Variants in PDCD6IP observed in about 807,000 individuals in gnomAD.
PDCD6IP encodes programmed cell death 6 interacting protein.
A neutral mutation model predicts 103.7 loss-of-function variants in PDCD6IP; 43 were observed. The ratio of observed to expected loss-of-function variants is 0.41; its 90% CI spans 0.32 to 0.53. The LOEUF (loss-of-function observed/expected upper bound fraction) is 0.53, where lower values mean the gene tolerates loss of function less well. Among genes scored for constraint, PDCD6IP ranks in the 20% least tolerant of loss-of-function variants. The pLI is 0.16. For synonymous variants in PDCD6IP, 354 were observed against 378.7 expected, an observed-to-expected ratio of 0.93 and a Z score of 0.76; for missense variants, 871 against 1,036.7, an observed-to-expected ratio of 0.84 and a Z score of 2.20.
chr3:33,868,586 T>C lies in PDCD6IP; in HGVS notation c.*2061T>C, dbSNP rs896199146. ...TTGTCAGTTCACTCATCCTTTGGTT[T>C]CTTTTTAATCACCTGTGTCTGGGCA... On this transcript the variant is annotated 3_prime_UTR_variant, in exon 18 of 18. Coordinates refer to ENST00000307296, the MANE Select transcript of PDCD6IP (RefSeq NM_013374.6). 1.3e-5 allele frequency: 2 copies of C among 152,430 alleles called. No individual in the cohort carries two copies. The highest frequency in any genetic ancestry group is 1.3e-4 in the Admixed American group (2 of 15,280). The allele number at this position is 152,430 out of a possible 1,614,324, so 9.4% of individuals were successfully genotyped here.
At chr3:33,808,528 C>T (rs180903102) in intron 1 of PDCD6IP, among the ~76,000 whole-genome samples, 2 of 152,338 alleles carry the variant, frequency 1.3e-5, no homozygotes, top group Admixed American at 1.3e-4. Flanking sequence ...ATCCTCCTAC[C>T]TCAGCCTCCC....
intron 3 of PDCD6IP, 24 bp downstream of exon 3, chr3:33,813,652 A>C: frequency 7.2e-7 from 1 of 1,388,146 alleles, no homozygotes; most frequent in Non-Finnish European, 1.0e-6. Flanking sequence ...AATAAAAGTG[A>C]TAGGAAAATT....
rs1417919468 is a variant in PDCD6IP, at chr3:33,864,041, C to T, written c.2156C>T (p.Ala719Val). Residue 719 changes from alanine to valine, a missense_variant, in exon 16 of 18, where the codon GCT (alanine) becomes GTT (valine). This residue lies in a region of PDCD6IP where 202 missense variants were observed against 205.2 expected (regional missense o/e 0.98). Transcript: ENST00000307296. Reference sequence around the variant, plus strand: ...CAAAGCATTGCCAGAGAACCTAGTGCTCCTTCAATTCCTACACCTGCGTAT... The same window carrying T: ...CAAAGCATTGCCAGAGAACCTAGTGTTCCTTCAATTCCTACACCTGCGTAT... ...LQQSIAREPS[A>V]PSIPTPAYQS... 7 of 1,613,890 alleles carry T rather than the reference C, an allele frequency of 4.3e-6. No homozygotes were observed. Among genetic ancestry groups the T allele is most frequent in the Non-Finnish European group, 5.9e-6 (7 of 1,179,852 alleles).
chr3:33,848,908 A>G (rs1180613664), intron 12 of PDCD6IP, among the ~76,000 whole-genome samples: 1 of 152,180 alleles, frequency 6.6e-6, no homozygotes, highest in Non-Finnish European at 1.5e-5. Context: ...TAAATGGCTG[A>G]AAAAAAGTCA....
intron 1 of PDCD6IP, chr3:33,799,305 ACTGT>A (rs1308508976): frequency 9.6e-6 from 2 of 208,796 alleles, no homozygotes; most frequent in East Asian, 1.0e-4. Context: ...TTTTTCCATC[ACTGT>A]CTTTCTTGGG....
intron 1 of PDCD6IP, among the ~76,000 whole-genome samples, chr3:33,811,566 A>G (rs1232532301): frequency 6.6e-6 from 1 of 152,346 alleles, no homozygotes; most frequent in East Asian, 1.9e-4. Flanking sequence ...ACAGGTCGGA[A>G]AGAATGAGAA....
At position 33,866,371 on chromosome 3, in the gene PDCD6IP, C is replaced by T. The variant is rs1698064784; in HGVS notation, c.2453C>T (p.Pro818Leu). The change falls in exon 18 of 18, where the codon CCC (proline) becomes CTC (leucine). Residue 818 changes from proline to leucine, a missense_variant. Pro to Leu is a moderately conservative substitution (Grantham distance 98, BLOSUM62 -3). Coordinates refer to ENST00000307296, the MANE Select transcript of PDCD6IP (RefSeq NM_013374.6). ...GYPGYCQMPM[P>L]MGYNPYAYGQ... Reference sequence around the variant, plus strand: ...ATCAGGTATTGCCAAATGCCCATGCCCATGGGCTATAATCCTTATGCGTAT... The same window carrying T: ...ATCAGGTATTGCCAAATGCCCATGCTCATGGGCTATAATCCTTATGCGTAT... 2 of 1,572,366 alleles carry T rather than the reference C, an allele frequency of 1.3e-6. No homozygotes were observed. Among genetic ancestry groups the T allele is most frequent in the Non-Finnish European group, 8.6e-7 (1 of 1,160,962 alleles).
intron 12 of PDCD6IP, among the ~76,000 whole-genome samples, chr3:33,851,386 CTA>C (rs930411006): frequency 6.6e-6 from 1 of 152,060 alleles, no homozygotes; most frequent in African/African-American, 2.4e-5. Flanking sequence ...CACTTGAACA[CTA>C]TGAATATGAA....
rs374506342 is a variant in PDCD6IP at position 33,812,134 on chromosome 3, A to G, written c.264+8A>G. On this transcript the variant is annotated splice_region_variant and intron_variant, in intron 2 of 17. Transcript: ENST00000307296. ...CCATTTTCTGAAAATCAGGTAAGTCATTAATTCTGTCTTAAAATTATATGG... is the reference window on the plus strand; with the variant it reads ...CCATTTTCTGAAAATCAGGTAAGTCGTTAATTCTGTCTTAAAATTATATGG... 3.1e-6 allele frequency: 5 copies of G among 1,600,110 alleles called. No individual in the cohort carries two copies. Among genetic ancestry groups the G allele is most frequent in the Admixed American group, 3.4e-5 (2 of 58,014 alleles).
Position 33,865,332 on chromosome 3 carries a change from G to T in PDCD6IP, c.2334G>T (p.Gly778=), listed in dbSNP as rs1197232769. ...CTGCTACTGCTCCATCTCCAGTGGG[G>T]GCTGGGACTGCTGCGCCAGCTCCAT... ...APSATAPSPV[G]AGTAAPAPSQ... The change falls in exon 17 of 18, where the codon GGG becomes GGT. Residue 778 remains glycine, a synonymous_variant. Coordinates refer to ENST00000307296, the MANE Select transcript of PDCD6IP (RefSeq NM_013374.6). 4 of 1,597,988 alleles carry T rather than the reference G, an allele frequency of 2.5e-6. No individual in the cohort carries two copies. Among genetic ancestry groups the T allele is most frequent in the Non-Finnish European group, 3.4e-6 (4 of 1,173,026 alleles).
intron 5 of PDCD6IP, among the ~76,000 whole-genome samples, chr3:33,825,865 G>T (rs1697111162): frequency 6.6e-6 from 1 of 152,164 alleles, no homozygotes; most frequent in Non-Finnish European, 1.5e-5. Flanking sequence ...GGGAAGCTGG[G>T]CTAATTTTAG....
In PDCD6IP at chr3:33,836,273, C is replaced by T; in HGVS notation, c.1057+7C>T. On this transcript the variant is annotated splice_region_variant and intron_variant, in intron 8 of 17. Coordinates refer to ENST00000307296, the MANE Select transcript of PDCD6IP (RefSeq NM_013374.6). ...ATCAGTCAGAAATTTACTGGTATGTCAGTTATTCAGACACACTTTAATCTC... is the reference window on the plus strand; with the variant it reads ...ATCAGTCAGAAATTTACTGGTATGTTAGTTATTCAGACACACTTTAATCTC... The T allele has an allele frequency of 1.4e-6, 2 of 1,479,698 alleles. No individual in the cohort carries two copies. The highest frequency in any genetic ancestry group is 2.3e-5 in the South Asian group (2 of 87,948). 91.7% of individuals were successfully genotyped at this position (1,479,698 alleles called of 1,614,324 possible).
At chr3:33,820,190 A>G (rs1410544746) in intron 3 of PDCD6IP, among the ~76,000 whole-genome samples, 5 of 152,186 alleles carry the variant, frequency 3.3e-5, no homozygotes, top group African/African-American at 4.8e-5. Context: ...AGGCTGAGGC[A>G]GGAGGATTGA....
intron 12 of PDCD6IP, among the ~76,000 whole-genome samples, chr3:33,852,162 G>C (rs1205645283): frequency 6.6e-6 from 1 of 152,170 alleles, no homozygotes; most frequent in Non-Finnish European, 1.5e-5. Flanking sequence ...CTTTGGAATA[G>C]AGGTCATAAA....
chr3:33,861,995 T>A (rs940906416), intron 15 of PDCD6IP, among the ~76,000 whole-genome samples: 2 of 152,180 alleles, frequency 1.3e-5, no homozygotes, highest in African/African-American at 4.8e-5. Flanking sequence ...TTTTACATTA[T>A]TGATTTTATT....
At chr3:33,800,253 C>T (rs1056955273) in intron 1 of PDCD6IP, among the ~76,000 whole-genome samples, 1 of 151,440 alleles carries the variant, frequency 6.6e-6, no homozygotes, top group Non-Finnish European at 1.5e-5. Context: ...AAGCTTTGTT[C>T]ATGTATTGAG....
chr3:33,824,579 C>A (rs1395873446), intron 4 of PDCD6IP, among the ~76,000 whole-genome samples: 1 of 152,084 alleles, frequency 6.6e-6, no homozygotes. Flanking sequence ...ACCTTTTAAT[C>A]CCAGACTGAT....
At chr3:33,829,042 G>C in intron 7 of PDCD6IP, 73 bp downstream of exon 7, 2 of 1,312,632 alleles carry the variant, frequency 1.5e-6, no homozygotes, top group Non-Finnish European at 2.0e-6. Flanking sequence ...AGATTTCCAA[G>C]TTTGCCCATA....
chr3:33,834,024 T>C (rs112687382), intron 7 of PDCD6IP, among the ~76,000 whole-genome samples: 6 of 152,314 alleles, frequency 3.9e-5, no homozygotes, highest in African/African-American at 1.4e-4. Flanking sequence ...GCATCTACTT[T>C]TAGGGTTTAT....
Sources: gnomAD v4.1 joint callset for allele counts (sites outside exome capture counted in the v4.1 genomes callset) on GRCh38, gnomAD v4.1.1 for gene constraint, gnomAD v4.1.1 regional missense constraint, MANE v1.5 for transcripts, NCBI Gene and HGNC (gene_info 2026-07-23, HGNC 2026-07-21) for gene names.